CASP8: variants seen among roughly 807,000 people sequenced by gnomAD.
CASP8 encodes caspase-8.
CASP8 carries 24 observed loss-of-function variants against 46.3 expected under a neutral mutation model. The ratio of observed to expected loss-of-function variants is 0.52; its 90% CI spans 0.38 to 0.73. CASP8 has a LOEUF of 0.73. CASP8 is among the 30% of genes least tolerant of loss of function. The pLI is 0.00. For missense variants in CASP8, 460 were observed against 559.0 expected (o/e 0.82, Z 1.79); for synonymous variants, 188 against 200.4 (o/e 0.94, Z 0.52).
intron 3 of CASP8, among the ~76,000 whole-genome samples, chr2:201,271,949 G>T (rs1459264249): frequency 6.6e-6 from 1 of 152,138 alleles, no homozygotes; most frequent in Non-Finnish European, 1.5e-5. Context: ...CCTGGGACCT[G>T]AAACTCTGTG....
At chr2:201,262,412 T>C (rs1947484087) in intron 1 of CASP8, 1 of 151,534 alleles carries the variant, frequency 6.6e-6, no homozygotes, top group Non-Finnish European at 1.5e-5. Flanking sequence ...GGGGCATAAA[T>C]ATATAAAATA....
intron 8 of CASP8, among the ~76,000 whole-genome samples, chr2:201,286,057 T>C (rs1559376497): frequency 6.6e-6 from 1 of 152,216 alleles, no homozygotes. Context: ...ACGTTATACT[T>C]TCACTTGCCT....
At chr2:201,265,991 T>C (rs1321998645) in intron 1 of CASP8, among the ~76,000 whole-genome samples, 1 of 151,588 alleles carries the variant, frequency 6.6e-6, no homozygotes, top group East Asian at 1.9e-4. Flanking sequence ...GTTTTTTTTT[T>C]TTTTGTGAGA....
intron 2 of CASP8, among the ~76,000 whole-genome samples, chr2:201,248,061 T>A (rs1054971427): frequency 3.9e-5 from 6 of 152,208 alleles, no homozygotes; most frequent in African/African-American, 1.2e-4. Context: ...ATTACAGGTG[T>A]GAGTCACTGT....
chr2:201,271,834 G>C (rs1948269200), intron 3 of CASP8, among the ~76,000 whole-genome samples: 1 of 152,236 alleles, frequency 6.6e-6, no homozygotes, highest in Admixed American at 6.5e-5. Flanking sequence ...CAGAGTCAGA[G>C]GCCGGGAGAA....
rs559907331 is a variant in CASP8 at position 201,266,855 on chromosome 2, T to C, written c.305+64T>C. On this transcript the variant is annotated intron_variant, in intron 2 of 8. Transcript: ENST00000673742. This position sits in a 1 kb window ranked among gnomAD's most constrained non-coding sequence, Gnocchi z 5.7. ...GTTGAATGGACAGCCTCTGAGCTGA[T>C]TGGGGCTTTTTTTTGTGGTACCCTG... 1.4e-5 allele frequency: 18 copies of C among 1,293,586 alleles called. No individual in the cohort carries two copies. The Admixed American group carries it at 3.1e-4, about 22-fold the overall frequency. The allele number at this position is 1,293,586 out of a possible 1,614,324, so 80.1% of individuals were successfully genotyped here.
chr2:201,282,239 G>A lies in CASP8; in HGVS notation c.803-2577G>A, dbSNP rs1576370605. 6.5e-5 allele frequency among the ~76,000 whole-genome samples: 3 copies of A among 46,452 alleles called. No homozygotes were observed. In the East Asian group the frequency reaches 1.4e-3, roughly 22 times the overall value. 30.5% of individuals were successfully genotyped at this position (46,452 alleles called of 152,430 possible). A position where few individuals can be genotyped will look rare whatever the true frequency, so the allele number is the denominator to read the frequency against. ...GTGGACACAGCACATGTTTCAGAGAGCACAGGGTTGGGGATAAGGTCACAG... is the reference window on the plus strand; with the variant it reads ...GTGGACACAGCACATGTTTCAGAGAACACAGGGTTGGGGATAAGGTCACAG... On this transcript the variant is annotated intron_variant, in intron 7 of 8. Transcript: ENST00000673742.
At chr2:201,252,419 G>A (rs1000016651) in intron 2 of CASP8, among the ~76,000 whole-genome samples, 2 of 152,136 alleles carry the variant, frequency 1.3e-5, no homozygotes, top group South Asian at 2.1e-4. Flanking sequence ...GGGACTACAG[G>A]TGTGTGCCAC....
At chr2:201,279,736 T>C (rs1351867911) in intron 7 of CASP8, among the ~76,000 whole-genome samples, 1 of 152,246 alleles carries the variant, frequency 6.6e-6, no homozygotes, top group African/African-American at 2.4e-5. Flanking sequence ...GCGAATCGCC[T>C]GAGGTCAGGA....
intron 7 of CASP8, among the ~76,000 whole-genome samples, chr2:201,279,687 G>A (rs183458745): frequency 6.6e-6 from 1 of 152,126 alleles, no homozygotes; most frequent in Non-Finnish European, 1.5e-5. Flanking sequence ...AGCTTGGTAC[G>A]GTGGCGTGAA....
Position 201,285,115 on chromosome 2 carries a change from G to A in CASP8, c.1102G>A (p.Gly368Ser), listed in dbSNP as rs1559375157. The A allele has an allele frequency of 6.2e-7, 1 of 1,614,118 alleles. No homozygotes were observed. Among genetic ancestry groups the A allele is most frequent in the Non-Finnish European group, 8.5e-7 (1 of 1,180,000 alleles). Residue 368 changes from glycine (G) to serine (S), a missense_variant, in exon 8 of 9, where the codon GGT (glycine) becomes AGT (serine). Gly to Ser is a moderately conservative substitution (Grantham distance 56). Coordinates refer to ENST00000673742, the MANE Select transcript of CASP8 (RefSeq NM_001372051.1). ...QACQGDNYQK[G>S]IPVETDSEEQ... ...TTGTCAGGGGGATAACTACCAGAAAGGTATACCTGTTGAGACTGATTCAGA... is the reference window on the plus strand; with the variant it reads ...TTGTCAGGGGGATAACTACCAGAAAAGTATACCTGTTGAGACTGATTCAGA...
chr2:201,274,267 T>G (rs1948481749), intron 5 of CASP8, among the ~76,000 whole-genome samples: 1 of 152,214 alleles, frequency 6.6e-6, no homozygotes, highest in Non-Finnish European at 1.5e-5. Context: ...AGCTAGTGGC[T>G]TTATTAATGA....
intron 2 of CASP8, among the ~76,000 whole-genome samples, chr2:201,248,505 C>T (rs1946634681): frequency 6.6e-6 from 1 of 152,204 alleles, no homozygotes; most frequent in South Asian, 2.1e-4. Flanking sequence ...AATTTTCCTT[C>T]AGAAATTTGT....
In CASP8 at chr2:201,287,093, A is replaced by G; in HGVS notation, c.*499A>G. 1 of 177,006 alleles carries G rather than the reference A, an allele frequency of 5.6e-6. No individual in the cohort carries two copies. The highest frequency in any genetic ancestry group is 1.2e-5 in the Non-Finnish European group (1 of 80,920). 11.0% of individuals were successfully genotyped at this position (177,006 alleles called of 1,614,324 possible). A position where few individuals can be genotyped will look rare whatever the true frequency, so the allele number is the denominator to read the frequency against. ...TTTGGGAATGTTTTTAGCTGGTGGC[A>G]ATAAATACCAGACACGTACAAAATC... On this transcript the variant is annotated 3_prime_UTR_variant, in exon 9 of 9. Transcript: ENST00000673742.
At chr2:201,276,537 T>C (rs1232777689) in intron 6 of CASP8, among the ~76,000 whole-genome samples, 1 of 152,176 alleles carries the variant, frequency 6.6e-6, no homozygotes, top group Non-Finnish European at 1.5e-5. Context: ...CTGTATAGTA[T>C]GGGAAGCAGA....
chr2:201,255,571 A>G (rs1385234010), upstream of CASP8, among the ~76,000 whole-genome samples: 1 of 152,108 alleles, frequency 6.6e-6, no homozygotes, highest in African/African-American at 2.4e-5. Flanking sequence ...ATGCAGGGAG[A>G]TGTGTACAGG....
chr2:201,262,680 G>A (rs1012772794), intron 1 of CASP8, among the ~76,000 whole-genome samples: 3 of 151,972 alleles, frequency 2.0e-5, no homozygotes, highest in Non-Finnish European at 2.9e-5. Context: ...ACTGTTTTTA[G>A]GAACCAAAAA....
At chr2:201,251,456 G>T (rs896373278) in intron 2 of CASP8, among the ~76,000 whole-genome samples, 9 of 151,962 alleles carry the variant, frequency 5.9e-5, no homozygotes, top group Admixed American at 2.0e-4. Flanking sequence ...TTAGCTGGGC[G>T]TGGTGGCGTG....
chr2:201,273,024 A>ACATGC, intron 5 of CASP8, 82 bp downstream of exon 5: 4 of 1,173,190 alleles, frequency 3.4e-6, no homozygotes, highest in African/African-American at 1.5e-5. Context: ...GCCTTCTACC[A>ACATGC]CATGCACATC....
Sources: allele counts gnomAD v4.1 joint callset (sites outside exome capture counted in the v4.1 genomes callset), GRCh38; gene constraint gnomAD v4.1.1; non-coding constraint Gnocchi (gnomAD v3.1); transcripts MANE v1.5; gene names NCBI Gene and HGNC (gene_info 2026-07-23, HGNC 2026-07-21).